SENP7: variants seen among roughly 807,000 people sequenced by gnomAD.
SENP7 encodes the protein SUMO specific peptidase 7.
SENP7 carries 64 observed loss-of-function variants against 141.2 expected under a neutral mutation model. The ratio of observed to expected loss-of-function variants is 0.45; its 90% CI spans 0.37 to 0.56. The LOEUF (loss-of-function observed/expected upper bound fraction) is 0.56. SENP7 is among the 20% of genes least tolerant of loss of function. SENP7 has a pLI of 0.00. For missense variants in SENP7, 1,025 were observed against 1,212.2 expected (o/e 0.85, Z 2.29); for synonymous variants, 382 against 426.4 (o/e 0.90, Z 1.28).
At chr3:101,326,103 G>T in intron 23 of SENP7, 23 bp from the exon 24 acceptor site, 1 of 1,541,556 alleles carries the variant, frequency 6.5e-7, no homozygotes, top group Non-Finnish European at 8.7e-7. Flanking sequence ...AAAAAAGAGT[G>T]TAATCACTTT....
intron 5 of SENP7, chr3:101,414,553 A>C: frequency 6.2e-7 from 1 of 1,604,082 alleles, no homozygotes; most frequent in South Asian, 1.1e-5. Flanking sequence ...TTGTGTGACC[A>C]AGTGTGTGGA....
intron 3 of SENP7, among the ~76,000 whole-genome samples, chr3:101,485,029 G>A (rs919876814): frequency 6.6e-6 from 1 of 151,852 alleles, no homozygotes; most frequent in Non-Finnish European, 1.5e-5. Flanking sequence ...AGCAAAGGCA[G>A]CCATAATCCT....
chr3:101,474,169 T>C (rs2064122705), intron 3 of SENP7, among the ~76,000 whole-genome samples: 2 of 152,200 alleles, frequency 1.3e-5, no homozygotes, highest in Admixed American at 6.6e-5. Flanking sequence ...GCCTTGACCA[T>C]TCAGGCTCTT....
At chr3:101,345,732 T>C (rs1487443887) in intron 13 of SENP7, among the ~76,000 whole-genome samples, 1 of 152,206 alleles carries the variant, frequency 6.6e-6, no homozygotes, top group African/African-American at 2.4e-5. Flanking sequence ...AGAATGAAAC[T>C]GGAGCCTCAT....
chr3:101,411,550 A>C lies in SENP7; in HGVS notation c.482+6043T>G, dbSNP rs80003004. Among the ~76,000 whole-genome samples, 54 of 152,278 alleles carry C rather than the reference A, an allele frequency of 3.5e-4. 1 individual carries two copies. The East Asian group carries it at 0.01, about 29-fold the overall frequency. On this transcript the variant is annotated intron_variant, in intron 5 of 23. Coordinates refer to ENST00000394095, the MANE Select transcript of SENP7 (RefSeq NM_020654.5). ...TTGTGTGATAGGCTTGAAGAACACA[A>C]ATCTATAAACTGAGAGCTAAATTAA...
chr3:101,331,825 ATT>A (rs948114445), intron 19 of SENP7, among the ~76,000 whole-genome samples, 158 bp downstream of exon 19: 1 of 152,172 alleles, frequency 6.6e-6, no homozygotes, highest in African/African-American at 2.4e-5. Context: ...TCAGAATTAT[ATT>A]TTGTCTATCA....
At chr3:101,464,577 TC>T (rs774301762) in intron 3 of SENP7, among the ~76,000 whole-genome samples, 18 of 152,146 alleles carry the variant, frequency 1.2e-4, no homozygotes, top group South Asian at 4.1e-4. Flanking sequence ...TGTTACTGTC[TC>T]CCATCACCTC....
intron 2 of SENP7, among the ~76,000 whole-genome samples, chr3:101,496,282 G>T (rs1311508412): frequency 6.6e-6 from 1 of 152,060 alleles, no homozygotes; most frequent in Non-Finnish European, 1.5e-5. Context: ...TCGAGACAGG[G>T]TCTCGCTCTG....
intron 6 of SENP7, among the ~76,000 whole-genome samples, chr3:101,375,840 T>G (rs898236111): frequency 1.3e-5 from 2 of 152,202 alleles, no homozygotes; most frequent in Non-Finnish European, 2.9e-5. Flanking sequence ...TTTGAACACA[T>G]TATGCTAAGT....
chr3:101,507,878 G>A lies in SENP7; in HGVS notation c.40+5213C>T, dbSNP rs960211647. ...ATCCTAGCCAACATGGTGAAACCCCGTCTCTACTAAAAATACAAAAATTAG... is the reference window on the plus strand; with the variant it reads ...ATCCTAGCCAACATGGTGAAACCCCATCTCTACTAAAAATACAAAAATTAG... On this transcript the variant is annotated intron_variant, in intron 1 of 23. Coordinates refer to ENST00000394095, the MANE Select transcript of SENP7 (RefSeq NM_020654.5). Among the ~76,000 whole-genome samples, 4 of 151,100 alleles carry A rather than the reference G, an allele frequency of 2.6e-5. No homozygotes were observed. The East Asian group carries it at 5.9e-4, about 22-fold the overall frequency.
chr3:101,343,904 T>A lies in SENP7; in HGVS notation c.1888A>T (p.Arg630Ter). The change falls in exon 14 of 24, where the codon AGA (arginine) becomes TGA (stop). Residue 630 changes from arginine to a stop codon, truncating the protein, a stop_gained. Transcript: ENST00000394095. LOFTEE classifies it high-confidence loss of function. Reference protein sequence around the residue: ...FLELHNPVSQREELKLKDIMT... With the variant: ...FLELHNPVSQ ...ATATCTTTCAGCTTCAATTCTTCTC[T>A]TTGTGAAACAGGATTGTGTAGTTCA... The A allele has an allele frequency of 6.2e-7, 1 of 1,611,180 alleles. No individual in the cohort carries two copies. The highest frequency in any genetic ancestry group is 8.5e-7 in the Non-Finnish European group (1 of 1,178,058).
At chr3:101,464,763 C>T (rs577628209) in intron 3 of SENP7, among the ~76,000 whole-genome samples, 10 of 152,068 alleles carry the variant, frequency 6.6e-5, no homozygotes, top group Admixed American at 4.6e-4. Context: ...TGCCCCACTA[C>T]CTGGATCCAT....
At chr3:101,445,570 G>T (rs1269579111) in intron 4 of SENP7, among the ~76,000 whole-genome samples, 1 of 151,928 alleles carries the variant, frequency 6.6e-6, no homozygotes, top group African/African-American at 2.4e-5. Flanking sequence ...AACCTTACAT[G>T]TAAATGGTTT....
chr3:101,444,452 T>C lies in SENP7; in HGVS notation c.284+14503A>G, dbSNP rs369054584. Among the ~76,000 whole-genome samples the C allele has an allele frequency of 4.7e-4, 71 of 152,116 alleles. No homozygotes were observed. In the South Asian group the frequency reaches 0.014, roughly 30 times the overall value. On this transcript the variant is annotated intron_variant, in intron 4 of 23. Coordinates refer to ENST00000394095, the MANE Select transcript of SENP7 (RefSeq NM_020654.5). The stretch of plus-strand genomic sequence containing the variant: ...AAAGACACATGCACACGTATGTTTA[T>C]TGCGGCATTATTCACAATAGCAAAG...
intron 4 of SENP7, among the ~76,000 whole-genome samples, chr3:101,418,515 G>A (rs1342538901): frequency 6.6e-6 from 1 of 152,120 alleles, no homozygotes; most frequent in East Asian, 1.9e-4. Flanking sequence ...TTAAAACAAT[G>A]TCAAGTGAGG....
intron 23 of SENP7, 56 bp downstream of exon 23, chr3:101,327,610 C>T: frequency 7.2e-7 from 1 of 1,390,164 alleles, no homozygotes; most frequent in Non-Finnish European, 9.8e-7. Context: ...CACCCAGTAA[C>T]TTGTGACCGT....
intron 3 of SENP7, among the ~76,000 whole-genome samples, chr3:101,463,404 T>TATATATATATACAC (rs1559865693): frequency 3.6e-5 from 4 of 110,316 alleles, no homozygotes; most frequent in African/African-American, 1.5e-4. Context: ...TATACATATA[T>TATATATATATACAC]ATATATATAT....
intron 4 of SENP7, among the ~76,000 whole-genome samples, chr3:101,430,133 T>C (rs1040034025): frequency 4.6e-5 from 7 of 152,226 alleles, no homozygotes; most frequent in Admixed American, 3.3e-4. Flanking sequence ...ATCAGAGATA[T>C]TGGCCTAAAA....
chr3:101,452,618 C>G (rs1032939695), intron 4 of SENP7, among the ~76,000 whole-genome samples: 14 of 152,182 alleles, frequency 9.2e-5, no homozygotes, highest in South Asian at 4.2e-4. Context: ...ATGGGGAAAG[C>G]ATTCCCTATT....
Sources: allele counts gnomAD v4.1 joint callset (sites outside exome capture counted in the v4.1 genomes callset), GRCh38; gene constraint gnomAD v4.1.1; transcripts MANE v1.5; gene names NCBI Gene and HGNC (gene_info 2026-07-23, HGNC 2026-07-21).